The following NRXN3 variants were observed in gnomAD, a reference collection of about 807,000 sequenced individuals.
NRXN3 encodes the protein neurexin III.
In NRXN3, 32 loss-of-function variants were observed where a neutral mutation model predicts 137.6. That is an observed-to-expected ratio of 0.23 (90% CI 0.18 to 0.31). The LOEUF is 0.31. NRXN3 is among the 10% of genes least tolerant of loss of function. NRXN3 has a pLI of 1.00. For missense variants in NRXN3, 1,574 were observed against 2,062.5 expected, an observed-to-expected ratio of 0.76 and a Z score of 4.59; for synonymous variants, 798 against 784.5, an observed-to-expected ratio of 1.02 and a Z score of -0.29.
chr14:78,650,482 C>T (rs1390227928), intron 5 of NRXN3, among the ~76,000 whole-genome samples: 1 of 151,718 alleles, frequency 6.6e-6, no homozygotes, highest in Non-Finnish European at 1.5e-5. Flanking sequence ...CTTAGAGTTG[C>T]CTTTTTGGTT....
At chr14:78,420,387 A>G (rs1459039547) in intron 4 of NRXN3, among the ~76,000 whole-genome samples, 1 of 152,196 alleles carries the variant, frequency 6.6e-6, no homozygotes, top group Non-Finnish European at 1.5e-5. Context: ...TATGTGAAAT[A>G]TGATTATTAG....
At chr14:78,223,971 A>G (rs2064161120) in intron 1 of NRXN3, among the ~76,000 whole-genome samples, 1 of 152,152 alleles carries the variant, frequency 6.6e-6, no homozygotes, top group Non-Finnish European at 1.5e-5. Flanking sequence ...CACGGGGATC[A>G]AGCCCGGGCC....
chr14:78,983,391 A>T (rs2099494419), intron 14 of NRXN3, among the ~76,000 whole-genome samples: 1 of 152,206 alleles, frequency 6.6e-6, no homozygotes, highest in African/African-American at 2.4e-5. Flanking sequence ...ATTAGAAGAA[A>T]CCTGGGTGTT....
At chr14:78,545,670 G>A (rs750308368) in intron 4 of NRXN3, among the ~76,000 whole-genome samples, 13 of 152,050 alleles carry the variant, frequency 8.5e-5, no homozygotes, top group Non-Finnish European at 1.3e-4. Context: ...ACATATTTAG[G>A]TACTTTAAAT....
intron 4 of NRXN3, among the ~76,000 whole-genome samples, chr14:78,417,399 C>G (rs2153671322): frequency 6.6e-6 from 1 of 152,348 alleles, no homozygotes; most frequent in South Asian, 2.1e-4. Flanking sequence ...GCACCACAAA[C>G]ATGCCCCCAT....
chr14:78,367,028 A>G (rs954470417), intron 4 of NRXN3, among the ~76,000 whole-genome samples: 31 of 152,178 alleles, frequency 2.0e-4, no homozygotes, highest in African/African-American at 6.0e-4. Context: ...CAGCTCTATA[A>G]TCAATCCAAT....
chr14:78,907,474 G>A (rs2152765745), intron 10 of NRXN3, among the ~76,000 whole-genome samples: 1 of 152,102 alleles, frequency 6.6e-6, no homozygotes. Context: ...ATTTTCTAGA[G>A]TGGATTTTTG....
At chr14:79,612,887 T>C (rs2098119172) in intron 16 of NRXN3, among the ~76,000 whole-genome samples, 1 of 152,194 alleles carries the variant, frequency 6.6e-6, no homozygotes, top group African/African-American at 2.4e-5. Flanking sequence ...AATGCTAAAA[T>C]GAACCAAATC....
chr14:79,088,077 C>T (rs536996632), intron 15 of NRXN3, among the ~76,000 whole-genome samples: 48 of 150,050 alleles, frequency 3.2e-4, no homozygotes, highest in South Asian at 3.1e-3. Flanking sequence ...GCTAGGTTCT[C>T]CTTTGCTACA....
intron 15 of NRXN3, among the ~76,000 whole-genome samples, chr14:79,277,368 CA>C (rs2080456517): frequency 6.6e-6 from 1 of 152,262 alleles, no homozygotes; most frequent in South Asian, 2.1e-4. Flanking sequence ...GCCAAAAGTG[CA>C]GTGGAAATCC....
intron 18 of NRXN3, among the ~76,000 whole-genome samples, chr14:79,697,258 C>T (rs2098739006): frequency 1.3e-5 from 2 of 151,916 alleles, no homozygotes; most frequent in South Asian, 4.1e-4. Context: ...TAGCTTTAAA[C>T]ATTAATGCAG....
At chr14:79,746,171 T>G (rs2098979120) in intron 19 of NRXN3, among the ~76,000 whole-genome samples, 1 of 152,152 alleles carries the variant, frequency 6.6e-6, no homozygotes, top group Non-Finnish European at 1.5e-5. Context: ...TAGGGTGCTA[T>G]TCCCTAAACT....
At chr14:79,034,349 T>TACACACACACACACACACACACACACAC (rs56226324) in intron 15 of NRXN3, among the ~76,000 whole-genome samples, 54 of 144,522 alleles carry the variant, frequency 3.7e-4, no homozygotes, top group Admixed American at 4.9e-4. Flanking sequence ...TCTTATTTCT[T>TACACACACACACACACACACACACACAC]ACACACACAC....
chr14:78,560,312 A>G (rs2096774939), intron 4 of NRXN3, among the ~76,000 whole-genome samples: 1 of 152,194 alleles, frequency 6.6e-6, no homozygotes, highest in Non-Finnish European at 1.5e-5. Flanking sequence ...ATGCCATGCT[A>G]TTGACTCATT....
intron 3 of NRXN3, among the ~76,000 whole-genome samples, chr14:78,297,094 C>T (rs1198283013): frequency 6.6e-6 from 1 of 152,152 alleles, no homozygotes. Flanking sequence ...ACTTTACATA[C>T]CTTTTATAAC....
chr14:78,743,708 G>A (rs1472904547), intron 8 of NRXN3, among the ~76,000 whole-genome samples: 1 of 152,182 alleles, frequency 6.6e-6, no homozygotes, highest in Non-Finnish European at 1.5e-5. Context: ...ATGGGGCAAA[G>A]GAGAGAAGAA....
At chr14:79,604,520 C>A (rs981551801) in intron 16 of NRXN3, among the ~76,000 whole-genome samples, 5 of 145,216 alleles carry the variant, frequency 3.4e-5, no homozygotes, top group Admixed American at 1.4e-4. Flanking sequence ...CAGGCATGAG[C>A]CACTGCTCCC....
At position 79,805,816 on chromosome 14, in the gene NRXN3, G is replaced by A. The variant is rs189089281; in HGVS notation, c.4093+626G>A. On this transcript the variant is annotated intron_variant, in intron 20 of 20. Coordinates refer to ENST00000335750, the MANE Select transcript of NRXN3 (RefSeq NM_001330195.2). ...CACAAAATTAGTGCTGTACCATGCCGTGTCAACAGCTGTGATGCTTCAAAA... is the reference window on the plus strand; with the variant it reads ...CACAAAATTAGTGCTGTACCATGCCATGTCAACAGCTGTGATGCTTCAAAA... Among the ~76,000 whole-genome samples, 14 of 152,224 alleles carry A rather than the reference G, an allele frequency of 9.2e-5. No homozygotes were observed. The East Asian group carries it at 2.1e-3, about 23-fold the overall frequency.
intron 14 of NRXN3, among the ~76,000 whole-genome samples, chr14:78,979,075 A>C (rs1454640153): frequency 6.6e-6 from 1 of 152,096 alleles, no homozygotes; most frequent in East Asian, 1.9e-4. Context: ...TTCTATTCAG[A>C]ATAGGACCAC....
Sources: gnomAD v4.1 joint callset for allele counts (sites outside exome capture counted in the v4.1 genomes callset) on GRCh38, gnomAD v4.1.1 for gene constraint, MANE v1.5 for transcripts, NCBI Gene and HGNC (gene_info 2026-07-23, HGNC 2026-07-21) for gene names.